Variants in KIAA1755 observed in about 807,000 individuals in gnomAD.
The protein encoded by KIAA1755 is uncharacterized protein KIAA1755.
A neutral mutation model predicts 91.7 loss-of-function variants in KIAA1755; 68 were observed. The ratio of observed to expected loss-of-function variants is 0.74; its 90% CI spans 0.61 to 0.91. The LOEUF is 0.91. Ranked by LOEUF, KIAA1755 falls within the 40% of genes least tolerant of loss-of-function variation. KIAA1755 has a pLI of 0.00. For missense variants in KIAA1755, 1,535 were observed against 1,494.4 expected, an observed-to-expected ratio of 1.03 and a Z score of -0.45; for synonymous variants, 610 against 604.6, an observed-to-expected ratio of 1.01 and a Z score of -0.13.
intron 4 of KIAA1755, among the ~76,000 whole-genome samples, chr20:38,236,369 G>A (rs1179044075): frequency 2.0e-5 from 3 of 152,190 alleles, no homozygotes; most frequent in Admixed American, 6.5e-5. Context: ...AATCAGTGTC[G>A]GGGTTGTCAG....
At chr20:38,250,811 T>C (rs935487335) in intron 1 of KIAA1755, among the ~76,000 whole-genome samples, 3 of 151,170 alleles carry the variant, frequency 2.0e-5, no homozygotes, top group African/African-American at 7.3e-5. Flanking sequence ...GGCGCCATGA[T>C]GTTCTACACA....
intron 5 of KIAA1755, 23 bp from the exon 6 acceptor site, chr20:38,228,263 A>G: frequency 6.4e-7 from 1 of 1,572,828 alleles, no homozygotes; most frequent in Non-Finnish European, 8.6e-7. Flanking sequence ...AACAGAATTG[A>G]CAGTCTTGCT....
chr20:38,217,052 C>A, intron 13 of KIAA1755: 1 of 641,730 alleles, frequency 1.6e-6, no homozygotes, highest in Non-Finnish European at 2.8e-6. Context: ...CTGGGTATCC[C>A]TGTCCCTGCT....
chr20:38,239,637 T>C lies in KIAA1755; in HGVS notation c.1638A>G (p.Ala546=), dbSNP rs192883165. ...EEKAALPEAS[A]GSPERGPTLE... is the part of the protein sequence containing the mutation. ...GGGTGGGGCCTCTTTCTGGGGAGCC[T>C]GCAGAAGCTTCTGGCAAGGCAGCCT... The change falls in exon 4 of 14, where the codon GCA becomes GCG. Residue 546 remains alanine, a synonymous_variant. Transcript: ENST00000279024. 697 of 1,606,252 alleles carry C rather than the reference T, an allele frequency of 4.3e-4. 6 individuals carry two copies. The East Asian group carries it at 0.015, about 35-fold the overall frequency.
At chr20:38,231,704 G>C (rs1031118482) in intron 4 of KIAA1755, among the ~76,000 whole-genome samples, 1 of 152,196 alleles carries the variant, frequency 6.6e-6, no homozygotes, top group African/African-American at 2.4e-5. Flanking sequence ...GTTAAACAGG[G>C]AGAATAATAT....
At chr20:38,232,739 T>C (rs1264392461) in intron 4 of KIAA1755, among the ~76,000 whole-genome samples, 1 of 152,128 alleles carries the variant, frequency 6.6e-6, no homozygotes, top group Non-Finnish European at 1.5e-5. Context: ...CTTACAAATT[T>C]CGAAAGTAAA....
chr20:38,227,731 C>A (rs377703013), intron 6 of KIAA1755, among the ~76,000 whole-genome samples: 5 of 152,166 alleles, frequency 3.3e-5, no homozygotes, highest in African/African-American at 1.2e-4. Flanking sequence ...TTGCTGAGAC[C>A]TCTGGGAAAA....
rs185643159 is a variant in KIAA1755 at position 38,214,021 on chromosome 20, G to A, written c.2902-278C>T. Among the ~76,000 whole-genome samples the A allele has an allele frequency of 7.8e-4, 117 of 149,446 alleles. 1 individual carries two copies. The highest frequency in any genetic ancestry group is 2.7e-3 in the African/African-American group (110 of 40,464). On this transcript the variant is annotated intron_variant, in intron 13 of 13. Coordinates refer to ENST00000279024, the MANE Select transcript of KIAA1755 (RefSeq NM_001029864.2). ...GGCTAGAGTGCAGTGGTGTGATCTC[G>A]GCTCACTGCAAGCTCTGCTTCCCAG...
chr20:38,245,910 T>C lies in KIAA1755; in HGVS notation c.201+19A>G. 6.2e-7 allele frequency: 1 copy of C among 1,612,426 alleles called. No homozygotes were observed. Among genetic ancestry groups the C allele is most frequent in the East Asian group, 2.2e-5 (1 of 44,876 alleles). Reference sequence around the variant, plus strand: ...TCTGGAACAGCTTGTTCCCTGTCCCTGTTTCCCTCTTGACTTACACAGGCT... The same window carrying C: ...TCTGGAACAGCTTGTTCCCTGTCCCCGTTTCCCTCTTGACTTACACAGGCT... On this transcript the variant is annotated intron_variant, in intron 2 of 13. Coordinates refer to ENST00000279024, the MANE Select transcript of KIAA1755 (RefSeq NM_001029864.2).
chr20:38,222,741 A>G, intron 9 of KIAA1755, 144 bp from the exon 10 acceptor site: 1 of 866,772 alleles, frequency 1.2e-6, no homozygotes, highest in Non-Finnish European at 1.8e-6. Context: ...TCTCTAAAAC[A>G]TCCCCTCTAG....
intron 10 of KIAA1755, among the ~76,000 whole-genome samples, chr20:38,222,222 TG>T (rs1394223048): frequency 1.3e-5 from 2 of 152,214 alleles, no homozygotes; most frequent in Non-Finnish European, 1.5e-5. Context: ...AGGCTCAAGA[TG>T]GCTGGGGCTG....
chr20:38,228,935 A>G (rs761427501), intron 5 of KIAA1755, among the ~76,000 whole-genome samples: 1 of 152,134 alleles, frequency 6.6e-6, no homozygotes, highest in South Asian at 2.1e-4. Context: ...TTCAGTGACT[A>G]TCTTAGGATT....
intron 10 of KIAA1755, among the ~76,000 whole-genome samples, chr20:38,220,125 T>C (rs368197108): frequency 3.0e-4 from 45 of 152,300 alleles, no homozygotes; most frequent in South Asian, 1.0e-3. Context: ...GAGGTGGAGA[T>C]AATCACAGAA....
chr20:38,241,859 T>G lies in KIAA1755; in HGVS notation c.272A>C (p.His91Pro). 6.2e-7 allele frequency: 1 copy of G among 1,614,060 alleles called. No individual in the cohort carries two copies. The highest frequency in any genetic ancestry group is 1.3e-5 in the African/African-American group (1 of 75,046). Reference sequence around the variant, plus strand: ...TAAGAGAGGGTTGAGGGGTGCCAAGTGGACCACAACTTCATCCCTCAGACA... The same window carrying G: ...TAAGAGAGGGTTGAGGGGTGCCAAGGGGACCACAACTTCATCCCTCAGACA... ...PLCLRDEVVV[H>P]LAPLNPLLLR... The change falls in exon 3 of 14, where the codon CAC becomes CCC. Residue 91 changes from histidine to proline, a missense_variant. Physicochemically the swap from His to Pro is moderately conservative, Grantham distance 77 (BLOSUM62 -2). Transcript: ENST00000279024.
intron 1 of KIAA1755, chr20:38,260,223 A>C (rs932078221): frequency 1.4e-6 from 2 of 1,478,280 alleles, no homozygotes; most frequent in African/African-American, 2.8e-5. Flanking sequence ...ATTCAGGCTC[A>C]GGTCTAGGGG....
In KIAA1755 at chr20:38,259,445, G is replaced by A. The variant is rs147638066; in HGVS notation, c.3+1053C>T. 1.5e-3 allele frequency among the ~76,000 whole-genome samples: 229 copies of A among 149,172 alleles called. 1 individual carries two copies. The highest frequency in any genetic ancestry group is 5.2e-3 in the African/African-American group (211 of 40,490). On this transcript the variant is annotated intron_variant, in intron 1 of 13. Transcript: ENST00000279024. ...GGGAGCATTCAGGTGTGCTCTGTGC[G>A]TGCATGTGTATGTGTGTGTGCATGT...
chr20:38,223,765 T>A, intron 8 of KIAA1755, 129 bp from the exon 9 acceptor site: 1 of 656,186 alleles, frequency 1.5e-6, no homozygotes, highest in Non-Finnish European at 2.6e-6. Context: ...CAGAAGCATC[T>A]GGAGAGCTGG....
chr20:38,224,630 C>T (rs1211684842), intron 8 of KIAA1755, among the ~76,000 whole-genome samples: 1 of 152,088 alleles, frequency 6.6e-6, no homozygotes, highest in Non-Finnish European at 1.5e-5. Flanking sequence ...AGGGCTGGTA[C>T]CAAGCATGCC....
intron 2 of KIAA1755, among the ~76,000 whole-genome samples, chr20:38,242,615 C>G (rs1268417346): frequency 6.6e-6 from 1 of 152,224 alleles, no homozygotes; most frequent in Non-Finnish European, 1.5e-5. Context: ...CCAAAATCAT[C>G]TAACACAATG....
Sources: gnomAD v4.1 joint callset for allele counts (sites outside exome capture counted in the v4.1 genomes callset) on GRCh38, gnomAD v4.1.1 for gene constraint, MANE v1.5 for transcripts, NCBI Gene and HGNC (gene_info 2026-07-23, HGNC 2026-07-21) for gene names.